Variants in SLC26A7 observed in about 807,000 individuals in gnomAD.
SLC26A7 encodes the protein anion exchange transporter.
SLC26A7 carries 59 observed loss-of-function variants against 82.5 expected under a neutral mutation model. The observed-to-expected ratio is 0.72, with a 90% CI of 0.58 to 0.89. SLC26A7 has a LOEUF of 0.89. Among genes scored for constraint, SLC26A7 ranks in the 40% least tolerant of loss-of-function variants. SLC26A7 has a pLI of 0.00. For synonymous variants in SLC26A7, 271 were observed against 274.3 expected (o/e 0.99, Z 0.12); for missense variants, 820 against 793.0 (o/e 1.03, Z -0.41).
At chr8:91,236,288 G>T (rs571766213) in intron 2 of SLC26A7, among the ~76,000 whole-genome samples, 20 of 152,236 alleles carry the variant, frequency 1.3e-4, no homozygotes, top group African/African-American at 4.8e-4. Context: ...TTCCAGCTTT[G>T]TTCACTTATC....
chr8:91,359,236 G>A (rs540561446), intron 11 of SLC26A7, among the ~76,000 whole-genome samples: 7 of 152,198 alleles, frequency 4.6e-5, no homozygotes, highest in South Asian at 2.1e-4. Context: ...AAAAGGATAC[G>A]GCTTAAGATT....
At chr8:91,217,822 C>A (rs923807087) in intron 1 of SLC26A7, among the ~76,000 whole-genome samples, 3 of 152,132 alleles carry the variant, frequency 2.0e-5, no homozygotes, top group African/African-American at 7.2e-5. Flanking sequence ...GGAAAAAAGT[C>A]AGGTTTGTAG....
intron 11 of SLC26A7, among the ~76,000 whole-genome samples, chr8:91,358,557 G>A (rs1233239121): frequency 6.6e-6 from 1 of 151,780 alleles, no homozygotes; most frequent in Non-Finnish European, 1.5e-5. Context: ...GTCTCGATCT[G>A]CTGACATCAT....
intron 2 of SLC26A7, among the ~76,000 whole-genome samples, chr8:91,236,429 G>A (rs192471347): frequency 1.2e-4 from 18 of 152,206 alleles, no homozygotes; most frequent in African/African-American, 4.3e-4. Context: ...GGTAAGAACA[G>A]CAGATACCCA....
chr8:91,344,721 C>T (rs1813514100), intron 9 of SLC26A7, among the ~76,000 whole-genome samples: 2 of 152,120 alleles, frequency 1.3e-5, no homozygotes, highest in Admixed American at 6.5e-5. Flanking sequence ...CTCCTCCGAC[C>T]TTGGTTTATA....
At chr8:91,293,382 C>G (rs545370175) in intron 3 of SLC26A7, among the ~76,000 whole-genome samples, 1 of 152,224 alleles carries the variant, frequency 6.6e-6, no homozygotes, top group Admixed American at 6.5e-5. Flanking sequence ...AAAGAAGAGA[C>G]CTATAAATAG....
intron 4 of SLC26A7, among the ~76,000 whole-genome samples, chr8:91,298,708 AT>A (rs1446469812): frequency 6.6e-6 from 1 of 152,148 alleles, no homozygotes; most frequent in Non-Finnish European, 1.5e-5. Context: ...AATTTTAATA[AT>A]TATTATAGCA....
At chr8:91,278,222 C>T (rs1158655157) in intron 2 of SLC26A7, among the ~76,000 whole-genome samples, 2 of 148,336 alleles carry the variant, frequency 1.3e-5, no homozygotes, top group African/African-American at 5.1e-5. Flanking sequence ...GGAAGCCCCA[C>T]GGCTCCAGAA....
At chr8:91,295,767 GTTTTA>G in intron 4 of SLC26A7, 64 bp downstream of exon 4, 1 of 1,488,346 alleles carries the variant, frequency 6.7e-7, no homozygotes, top group Admixed American at 2.0e-5. Context: ...GGCAGCTGGT[GTTTTA>G]TTTTTATTCT....
Position 91,363,517 on chromosome 8 carries a change from A to G in SLC26A7, c.1467A>G (p.Lys489=), listed in dbSNP as rs775082395. The G allele has an allele frequency of 1.3e-6, 2 of 1,501,166 alleles. No homozygotes were observed. The highest frequency in any genetic ancestry group is 1.8e-5 in the Admixed American group (1 of 54,206). 93.0% of individuals were successfully genotyped at this position (1,501,166 alleles called of 1,614,324 possible). The change falls in exon 13 of 19, where the codon AAA becomes AAG. Residue 489 remains lysine (K), a synonymous_variant. Coordinates refer to ENST00000276609, the MANE Select transcript of SLC26A7 (RefSeq NM_052832.4). Reference sequence around the variant, plus strand: ...AAAATATGAAAGAAATGGAATTTAAAGTGAAGACAGAAATGGACAGTGTAA... The same window carrying G: ...AAAATATGAAAGAAATGGAATTTAAGGTGAAGACAGAAATGGACAGTGTAA... ...SIKNMKEMEF[K]VKTEMDSETL...
intron 2 of SLC26A7, among the ~76,000 whole-genome samples, chr8:91,256,935 C>T (rs1390738625): frequency 6.6e-6 from 1 of 152,106 alleles, no homozygotes; most frequent in Non-Finnish European, 1.5e-5. Context: ...CTCCATTCCT[C>T]ATTCTTCACT....
chr8:91,299,988 A>T (rs1250987607), intron 4 of SLC26A7, among the ~76,000 whole-genome samples: 1 of 152,212 alleles, frequency 6.6e-6, no homozygotes, highest in African/African-American at 2.4e-5. Flanking sequence ...GTGTGTGGGG[A>T]ACATTAGACA....
chr8:91,308,059 A>G (rs1344033558), intron 4 of SLC26A7, among the ~76,000 whole-genome samples: 1 of 152,090 alleles, frequency 6.6e-6, no homozygotes, highest in African/African-American at 2.4e-5. Context: ...ATACCACATT[A>G]CATTTAGTTG....
intron 10 of SLC26A7, 69 bp from the exon 11 acceptor site, chr8:91,352,831 AC>A (rs1192132377): frequency 8.2e-7 from 1 of 1,220,434 alleles, no homozygotes; most frequent in Non-Finnish European, 1.2e-6. Context: ...AAATAAAAAT[AC>A]CTTAGCCCTT....
At chr8:91,384,559 G>GTCTC (rs1411856542) in intron 15 of SLC26A7, among the ~76,000 whole-genome samples, 1 of 152,050 alleles carries the variant, frequency 6.6e-6, no homozygotes, top group Non-Finnish European at 1.5e-5. Context: ...ATCACACAAG[G>GTCTC]TCTCCTTCAT....
At position 91,363,547 on chromosome 8, in the gene SLC26A7, A is replaced by G. The variant is rs555525493; in HGVS notation, c.1488+9A>G. On this transcript the variant is annotated intron_variant, in intron 13 of 18. Coordinates refer to ENST00000276609, the MANE Select transcript of SLC26A7 (RefSeq NM_052832.4). ...AGACAGAAATGGACAGTGTAAGTTT[A>G]GTTTTATTTTTCCTTTATGCAATTG... The G allele has an allele frequency of 6.9e-7, 1 of 1,446,426 alleles. No individual in the cohort carries two copies. The highest frequency in any genetic ancestry group is 2.1e-5 in the Admixed American group (1 of 48,546). 89.6% of individuals were successfully genotyped at this position (1,446,426 alleles called of 1,614,324 possible).
intron 5 of SLC26A7, among the ~76,000 whole-genome samples, chr8:91,319,526 G>A (rs1047401056): frequency 6.6e-6 from 1 of 152,190 alleles, no homozygotes; most frequent in Non-Finnish European, 1.5e-5. Flanking sequence ...ATAATTTCCT[G>A]CTCAATGATT....
intron 15 of SLC26A7, among the ~76,000 whole-genome samples, chr8:91,378,369 A>G (rs1272950424): frequency 1.4e-5 from 2 of 147,400 alleles, no homozygotes; most frequent in Admixed American, 6.8e-5. Flanking sequence ...GTATAATTAT[A>G]TATTTATATA....
intron 14 of SLC26A7, among the ~76,000 whole-genome samples, chr8:91,368,875 TAGAG>T (rs941505885): frequency 6.6e-5 from 10 of 152,276 alleles, no homozygotes; most frequent in Non-Finnish European, 1.5e-5. Context: ...GAGGTAGAAA[TAGAG>T]AGAGATAAAA....
Sources: gnomAD v4.1 joint callset for allele counts (sites outside exome capture counted in the v4.1 genomes callset) on GRCh38, gnomAD v4.1.1 for gene constraint, MANE v1.5 for transcripts, NCBI Gene and HGNC (gene_info 2026-07-23, HGNC 2026-07-21) for gene names.